UBL3: variants seen among roughly 807,000 people sequenced by gnomAD.
UBL3 encodes the protein ubiquitin-like protein 3.
Under a neutral mutation model 18.4 loss-of-function variants are expected in UBL3, and 6 were observed. The observed-to-expected ratio is 0.33, with a 90% CI of 0.18 to 0.64. The LOEUF (loss-of-function observed/expected upper bound fraction) is 0.64, where lower values mean the gene tolerates loss of function less well. Among genes scored for constraint, UBL3 ranks in the 30% least tolerant of loss-of-function variants. The probability of loss-of-function intolerance (pLI) is 0.76; values close to 1 mark genes in which losing one functional copy is unlikely to be tolerated. For synonymous variants in UBL3, 49 were observed against 46.6 expected, an observed-to-expected ratio of 1.05 and a Z score of -0.21; for missense variants, 109 against 142.9, an observed-to-expected ratio of 0.76 and a Z score of 1.21.
intron 1 of UBL3, among the ~76,000 whole-genome samples, chr13:29,809,552 T>C (rs1337351028): frequency 6.6e-6 from 1 of 152,094 alleles, no homozygotes; most frequent in Non-Finnish European, 1.5e-5. Flanking sequence ...ATGGTCCAAT[T>C]TACACTGAAG....
chr13:29,807,125 CCA>C (rs1418219671), intron 1 of UBL3, among the ~76,000 whole-genome samples: 1 of 152,104 alleles, frequency 6.6e-6, no homozygotes, highest in Non-Finnish European at 1.5e-5. Flanking sequence ...CTTTCCTTTT[CCA>C]CAGAGACCCA....
At chr13:29,843,060 A>C (rs1199330175) in intron 1 of UBL3, among the ~76,000 whole-genome samples, 1 of 152,242 alleles carries the variant, frequency 6.6e-6, no homozygotes, top group Non-Finnish European at 1.5e-5. Context: ...AGGAAAAAAC[A>C]GCTGCTCAAC....
At chr13:29,835,151 T>TATATATATATAA (rs1878920618) in intron 1 of UBL3, among the ~76,000 whole-genome samples, 1 of 25,228 alleles carries the variant, frequency 4.0e-5, no homozygotes, top group Non-Finnish European at 7.2e-5. Flanking sequence ...TATATATATA[T>TATATATATATAA]ATATATATAT....
chr13:29,800,830 C>G (rs1877741429), intron 1 of UBL3, among the ~76,000 whole-genome samples: 1 of 152,182 alleles, frequency 6.6e-6, no homozygotes, highest in African/African-American at 2.4e-5. Context: ...GAGCAGACAG[C>G]CATTTTTGCT....
At chr13:29,807,932 T>G (rs1009949785) in intron 1 of UBL3, among the ~76,000 whole-genome samples, 3 of 152,184 alleles carry the variant, frequency 2.0e-5, no homozygotes, top group Non-Finnish European at 4.4e-5. Context: ...CTATTGCTAC[T>G]TAATGGTTAA....
chr13:29,772,025 G>A (rs969859024), intron 3 of UBL3, 87 bp downstream of exon 3: 6 of 1,139,232 alleles, frequency 5.3e-6, no homozygotes, highest in African/African-American at 1.6e-5. Context: ...ATTTTTTTTA[G>A]CAAATTCAAA....
intron 1 of UBL3, among the ~76,000 whole-genome samples, chr13:29,812,015 G>A (rs545206987): frequency 1.6e-4 from 24 of 151,832 alleles, no homozygotes; most frequent in Non-Finnish European, 3.1e-4. Context: ...AATATAGGTT[G>A]AACTCGTACT....
intron 1 of UBL3, among the ~76,000 whole-genome samples, chr13:29,835,148 ATATAT>A (rs1878919128): frequency 8.8e-5 from 2 of 22,650 alleles, no homozygotes; most frequent in Non-Finnish European, 1.7e-4. Flanking sequence ...ATATATATAT[ATATAT>A]ATATATATAT....
At chr13:29,802,070 G>A (rs563169859) in intron 1 of UBL3, among the ~76,000 whole-genome samples, 1 of 152,326 alleles carries the variant, frequency 6.6e-6, no homozygotes, top group Non-Finnish European at 1.5e-5. Flanking sequence ...GCAGGGAGAG[G>A]AAGCACAGCT....
chr13:29,799,287 T>C (rs577615825), intron 1 of UBL3, among the ~76,000 whole-genome samples: 4 of 152,356 alleles, frequency 2.6e-5, no homozygotes, highest in Middle Eastern at 3.4e-3. Context: ...GGGGGCAAAA[T>C]TGCCTTGGTT....
intron 1 of UBL3, among the ~76,000 whole-genome samples, chr13:29,837,791 G>A (rs1593676557): frequency 6.6e-6 from 1 of 151,900 alleles, no homozygotes; most frequent in Admixed American, 6.6e-5. Flanking sequence ...TTAGCCGGGC[G>A]TGGTGATATG....
intron 1 of UBL3, among the ~76,000 whole-genome samples, chr13:29,797,601 C>T (rs1877647386): frequency 6.6e-6 from 1 of 152,130 alleles, no homozygotes; most frequent in South Asian, 2.1e-4. Context: ...TACCTACATG[C>T]ATTTGGGAGG....
chr13:29,825,801 T>C (rs1352688214), intron 1 of UBL3, among the ~76,000 whole-genome samples: 4 of 152,240 alleles, frequency 2.6e-5, no homozygotes, highest in Non-Finnish European at 4.4e-5. Flanking sequence ...CTTCCAGTTT[T>C]TGCCCATTCA....
Position 29,809,058 on chromosome 13 carries a change from C to A in UBL3, c.28-31795G>T, listed in dbSNP as rs144953023. Among the ~76,000 whole-genome samples, 12 of 152,214 alleles carry A rather than the reference C, an allele frequency of 7.9e-5. No individual in the cohort carries two copies. The East Asian group carries it at 2.3e-3, about 29-fold the overall frequency. ...TAATCATGCATTCAAAAATTTTGAG[C>A]ACCTACCCTAGACACCTACTGGGTA... On this transcript the variant is annotated intron_variant, in intron 1 of 4. Transcript: ENST00000380680.
rs921908364 is a variant in UBL3 at position 29,765,097 on chromosome 13, T to C, written c.*2158A>G. On this transcript the variant is annotated 3_prime_UTR_variant, in exon 5 of 5. Transcript: ENST00000380680. ...AGCAAACTCTAAATTGAGGGAAATA[T>C]ATAATCTGAGAACACACAGAAAAAT... 6 of 152,134 alleles carry C rather than the reference T, an allele frequency of 3.9e-5. No individual in the cohort carries two copies. Among genetic ancestry groups the C allele is most frequent in the South Asian group, 4.1e-4 (2 of 4,828 alleles). The allele number at this position is 152,134 out of a possible 1,614,324, so 9.4% of individuals were successfully genotyped here. A position where few individuals can be genotyped will look rare whatever the true frequency, so the allele number is the denominator to read the frequency against.
intron 2 of UBL3, among the ~76,000 whole-genome samples, chr13:29,776,869 CAAAAAAAAAAAAAAAAAA>C (rs869080358): frequency 4.8e-5 from 3 of 62,732 alleles, no homozygotes; most frequent in African/African-American, 1.9e-4. Flanking sequence ...GACTCCATCT[CAAAAAAAAAAAAAAAAAA>C]AAAAAAAAAA....
intron 1 of UBL3, among the ~76,000 whole-genome samples, chr13:29,790,321 C>A (rs1032261767): frequency 2.0e-5 from 3 of 152,190 alleles, no homozygotes; most frequent in African/African-American, 7.2e-5. Context: ...GCTCTAATTT[C>A]TTTATCACTA....
Position 29,772,214 on chromosome 13 carries a change from T to G in UBL3, c.137-16A>C, listed in dbSNP as rs1005807464. Reference sequence around the variant, plus strand: ...TCTTCCCAGTCTGAAAAGAATCCAGTGTACTGGTTAGGTATATTCCAACAT... The same window carrying G: ...TCTTCCCAGTCTGAAAAGAATCCAGGGTACTGGTTAGGTATATTCCAACAT... On this transcript the variant is annotated splice_polypyrimidine_tract_variant and intron_variant, in intron 2 of 4. Transcript: ENST00000380680. The G allele has an allele frequency of 3.1e-6, 5 of 1,601,792 alleles. No homozygotes were observed. Among genetic ancestry groups the G allele is most frequent in the Non-Finnish European group, 3.4e-6 (4 of 1,170,734 alleles).
chr13:29,835,271 A>AG, intron 1 of UBL3, among the ~76,000 whole-genome samples: 1 of 145,734 alleles, frequency 6.9e-6, no homozygotes, highest in Admixed American at 6.9e-5. Flanking sequence ...AGAAATCAAT[A>AG]TGGTCTTGCA....
Sources: gnomAD v4.1 joint callset for allele counts (sites outside exome capture counted in the v4.1 genomes callset) on GRCh38, gnomAD v4.1.1 for gene constraint, MANE v1.5 for transcripts, NCBI Gene and HGNC (gene_info 2026-07-23, HGNC 2026-07-21) for gene names.